The following NCOR2 variants were observed in gnomAD, a reference collection of about 807,000 sequenced individuals.
The protein encoded by NCOR2 is CTG repeat protein 26.
In NCOR2, 81 loss-of-function variants were observed where a neutral mutation model predicts 262.9. The ratio of observed to expected loss-of-function variants is 0.31; its 90% CI spans 0.26 to 0.37. The LOEUF (loss-of-function observed/expected upper bound fraction) is 0.37. NCOR2 is among the 10% of genes least tolerant of loss of function. The pLI is 1.00. For synonymous variants in NCOR2, 1,659 were observed against 1,559.3 expected, an observed-to-expected ratio of 1.06 and a Z score of -1.51; for missense variants, 3,385 against 3,621.4, an observed-to-expected ratio of 0.93 and a Z score of 1.68.
intron 20 of NCOR2, among the ~76,000 whole-genome samples, chr12:124,366,728 A>G (rs1361914246): frequency 6.6e-6 from 1 of 152,024 alleles, no homozygotes; most frequent in Non-Finnish European, 1.5e-5. Context: ...ATGTTGCCCA[A>G]GCTGGTCTTG....
chr12:124,350,343 A>G (rs898879386), intron 28 of NCOR2, among the ~76,000 whole-genome samples: 1 of 152,154 alleles, frequency 6.6e-6, no homozygotes, highest in African/African-American at 2.4e-5. Flanking sequence ...TTTCCCTCCT[A>G]TGCTTCTAAA....
chr12:124,395,739 C>T (rs1047636288), intron 16 of NCOR2, among the ~76,000 whole-genome samples: 4 of 152,162 alleles, frequency 2.6e-5, no homozygotes, highest in South Asian at 2.1e-4. Flanking sequence ...AGTGACAACA[C>T]GAGACACGAG....
intron 37 of NCOR2, chr12:124,337,454 T>C (rs2035989398): frequency 1.5e-6 from 1 of 651,578 alleles, no homozygotes; most frequent in East Asian, 3.0e-5. Context: ...ACAGCGGTCA[T>C]AAAACGGATG....
At chr12:124,343,787 CGGT>C (rs1272893679) in intron 32 of NCOR2, among the ~76,000 whole-genome samples, 4 of 152,122 alleles carry the variant, frequency 2.6e-5, no homozygotes, top group Non-Finnish European at 5.9e-5. Flanking sequence ...CCACCACACC[CGGT>C]TATTTTTTTG....
chr12:124,472,499 AT>A (rs1413872182), intron 4 of NCOR2, among the ~76,000 whole-genome samples: 6 of 152,174 alleles, frequency 3.9e-5, no homozygotes, highest in Non-Finnish European at 8.8e-5. Flanking sequence ...GTTTCCCCAC[AT>A]TACAGATAAG....
chr12:124,340,249 C>T (rs2036344976), intron 36 of NCOR2, 45 bp from the exon 39 acceptor site: 3 of 1,606,192 alleles, frequency 1.9e-6, no homozygotes, highest in Non-Finnish European at 2.5e-6. Context: ...CTCTTGCGGC[C>T]CACAAGGAGT....
chr12:124,519,093 C>CAA (rs1811473889), intron 1 of NCOR2, among the ~76,000 whole-genome samples: 1 of 140,216 alleles, frequency 7.1e-6, no homozygotes, highest in African/African-American at 2.9e-5. Flanking sequence ...AAATAATACA[C>CAA]ACACACACAC....
chr12:124,559,016 C>A (rs951032657), intron 1 of NCOR2, among the ~76,000 whole-genome samples: 1 of 152,162 alleles, frequency 6.6e-6, no homozygotes, highest in African/African-American at 2.4e-5. Context: ...AGACAAGAGG[C>A]GGAGAGGGCC....
At chr12:124,554,712 G>A (rs1201390676) in intron 1 of NCOR2, among the ~76,000 whole-genome samples, 1 of 152,368 alleles carries the variant, frequency 6.6e-6, no homozygotes, top group East Asian at 1.9e-4. Context: ...TTCCCACTGA[G>A]GGCCGCACAG....
intron 44 of NCOR2, chr12:124,329,252 AG>A: frequency 4.7e-6 from 2 of 422,272 alleles, no homozygotes; most frequent in Admixed American, 5.5e-5. Flanking sequence ...ATCTGACGTC[AG>A]GAGTTCGAGA....
intron 32 of NCOR2, among the ~76,000 whole-genome samples, chr12:124,343,923 T>A (rs1221635936): frequency 6.6e-6 from 1 of 152,176 alleles, no homozygotes; most frequent in Non-Finnish European, 1.5e-5. Context: ...CCACCATGCC[T>A]GGCCGGAAGA....
chr12:124,337,116 G>C lies in NCOR2; in HGVS notation c.5752C>G (p.Leu1918Val), dbSNP rs1392424266. 6.6e-7 allele frequency: 1 copy of C among 1,510,582 alleles called. No homozygotes were observed. The highest frequency in any genetic ancestry group is 2.0e-5 in the Admixed American group (1 of 48,854). 93.6% of individuals were successfully genotyped at this position (1,510,582 alleles called of 1,614,324 possible). A position where few individuals can be genotyped will look rare whatever the true frequency, so the allele number is the denominator to read the frequency against. The change falls in exon 38 of 47, where the codon CTG (leucine) becomes GTG (valine). Residue 1918 changes from leucine (L) to valine (V), a missense_variant. Physicochemically the swap from Leu to Val is conservative, Grantham distance 32. This residue lies in a region of NCOR2 where 1,017 missense variants were observed against 967.2 expected (regional missense o/e 1.05). Coordinates refer to ENST00000405201, the Ensembl canonical transcript of NCOR2. The stretch of plus-strand genomic sequence containing the variant: ...TAGACCCCATCGAGGGTGCCGCCCA[G>C]TGGGCAGTGGGTGGCAGGTGGGAAT...
chr12:124,557,824 G>T (rs974285534), intron 1 of NCOR2, among the ~76,000 whole-genome samples: 1 of 152,054 alleles, frequency 6.6e-6, no homozygotes, highest in Non-Finnish European at 1.5e-5. Context: ...AGGAGCCACC[G>T]CCACACAGAA....
At chr12:124,547,559 T>C (rs1271503000) in intron 1 of NCOR2, among the ~76,000 whole-genome samples, 2 of 152,238 alleles carry the variant, frequency 1.3e-5, no homozygotes, top group African/African-American at 2.4e-5. Context: ...TAGGCAGCTC[T>C]GACATTTAGG....
intron 1 of NCOR2, among the ~76,000 whole-genome samples, chr12:124,501,048 G>GCA (rs1555232664): frequency 3.9e-5 from 2 of 51,126 alleles, no homozygotes; most frequent in African/African-American, 6.9e-5. Context: ...CGGCACGAGC[G>GCA]CGCGCGCACG....
At chr12:124,360,101 C>G (rs2038419462) in intron 22 of NCOR2, among the ~76,000 whole-genome samples, 1 of 152,214 alleles carries the variant, frequency 6.6e-6, no homozygotes, top group Non-Finnish European at 1.5e-5. Flanking sequence ...CTCAGCAGGA[C>G]CTGGCTGGCA....
At chr12:124,479,562 C>T (rs891791867) in intron 3 of NCOR2, among the ~76,000 whole-genome samples, 2 of 151,988 alleles carry the variant, frequency 1.3e-5, no homozygotes, top group African/African-American at 4.8e-5. Flanking sequence ...CAAACGCGCA[C>T]ACACACGCAC....
At chr12:124,431,223 CAG>C (rs2043901286) in intron 8 of NCOR2, among the ~76,000 whole-genome samples, 1 of 151,404 alleles carries the variant, frequency 6.6e-6, no homozygotes, top group Admixed American at 6.6e-5. Flanking sequence ...TACAGTCAGA[CAG>C]ATATACACAG....
At chr12:124,334,471 G>A in exon 41 of NCOR2, 1 of 1,472,332 alleles carries the variant, frequency 6.8e-7, no homozygotes, top group South Asian at 1.4e-5. Context: ...GGGCACCATG[G>A]TCCGGGGGCG....
Sources: allele counts gnomAD v4.1 joint callset (sites outside exome capture counted in the v4.1 genomes callset), GRCh38; gene constraint gnomAD v4.1.1; regional missense constraint gnomAD v4.1.1; transcripts MANE v1.5; gene names NCBI Gene and HGNC (gene_info 2026-07-23, HGNC 2026-07-21).